Variants in ZNRF1 observed in about 807,000 individuals in gnomAD.
The protein encoded by ZNRF1 is zinc and ring finger 1.
ZNRF1 carries 3 observed loss-of-function variants against 18.4 expected under a neutral mutation model. That is an observed-to-expected ratio of 0.16 (90% CI 0.07 to 0.42). The LOEUF is 0.42. Ranked by LOEUF, ZNRF1 falls within the 10% of genes least tolerant of loss-of-function variation. The pLI is 0.99. For missense variants in ZNRF1, 310 were observed against 329.8 expected, an observed-to-expected ratio of 0.94 and a Z score of 0.47; for synonymous variants, 157 against 144.2, an observed-to-expected ratio of 1.09 and a Z score of -0.64.
chr16:75,019,920 T>C (rs910241194), intron 1 of ZNRF1, among the ~76,000 whole-genome samples: 8 of 152,126 alleles, frequency 5.3e-5, no homozygotes, highest in Non-Finnish European at 1.0e-4. Flanking sequence ...AGATGGGGGT[T>C]CGCCATGTTG....
intron 1 of ZNRF1, among the ~76,000 whole-genome samples, chr16:75,067,677 C>T (rs191142191): frequency 1.4e-4 from 21 of 152,156 alleles, no homozygotes; most frequent in Admixed American, 1.0e-3. Flanking sequence ...ATTTAATATA[C>T]GATAAAGGGG....
chr16:75,054,827 G>A (rs1183836703), intron 1 of ZNRF1, among the ~76,000 whole-genome samples: 1 of 152,162 alleles, frequency 6.6e-6, no homozygotes, highest in African/African-American at 2.4e-5. Context: ...TGGTGCTTTG[G>A]CCTTCACTGC....
At chr16:75,100,560 A>C (rs1444447810) in intron 2 of ZNRF1, among the ~76,000 whole-genome samples, 1 of 152,224 alleles carries the variant, frequency 6.6e-6, no homozygotes, top group African/African-American at 2.4e-5. Flanking sequence ...GCTGACACAG[A>C]TGGGGAGAGA....
Position 75,108,371 on chromosome 16 carries a change from G to C in ZNRF1, c.*671G>C, listed in dbSNP as rs1229045356. ...TTTCCCTTCTTTCCTCCTGGTTCCG[G>C]TCAGTTCAGAGGATTTAACAATCAC... On this transcript the variant is annotated 3_prime_UTR_variant, in exon 5 of 5. Transcript: ENST00000335325. 1.0e-5 allele frequency: 4 copies of C among 388,554 alleles called. No individual in the cohort carries two copies. Among genetic ancestry groups the C allele is most frequent in the African/African-American group, 2.1e-5 (1 of 48,240 alleles). The allele number at this position is 388,554 out of a possible 1,614,324, so 24.1% of individuals were successfully genotyped here. A position where few individuals can be genotyped will look rare whatever the true frequency, so the allele number is the denominator to read the frequency against.
intron 2 of ZNRF1, among the ~76,000 whole-genome samples, chr16:75,101,383 G>A (rs780984416): frequency 3.9e-5 from 6 of 152,244 alleles, no homozygotes; most frequent in South Asian, 2.1e-4. Flanking sequence ...ATGAGACCCC[G>A]TCTCTACTAA....
At position 75,002,159 on chromosome 16, in the gene ZNRF1, C is replaced by A. The variant is rs534906161; in HGVS notation, c.424+2064C>A. 4 of 152,212 alleles carry A rather than the reference C, an allele frequency of 2.6e-5. No homozygotes were observed. In the East Asian group the frequency reaches 5.8e-4, roughly 22 times the overall value. 9.4% of individuals were successfully genotyped at this position (152,212 alleles called of 1,614,324 possible). On this transcript the variant is annotated intron_variant, in intron 1 of 4. Transcript: ENST00000335325. ...ATGCCCTCTGGGGTGTGGGTGGTAT[C>A]ACTCTGGTTGAGAACCACTGCTTTA...
At chr16:75,069,770 C>G (rs965041702) in intron 1 of ZNRF1, among the ~76,000 whole-genome samples, 1 of 152,180 alleles carries the variant, frequency 6.6e-6, no homozygotes, top group Non-Finnish European at 1.5e-5. Context: ...CCAGATCTTC[C>G]CCCTGGGCCT....
intron 1 of ZNRF1, among the ~76,000 whole-genome samples, chr16:75,070,267 G>T (rs779006468): frequency 6.6e-6 from 1 of 152,078 alleles, no homozygotes; most frequent in Non-Finnish European, 1.5e-5. Context: ...AGCCCAGGCC[G>T]GCCTCTCCAT....
At chr16:75,089,081 C>CA (rs2036106649) in intron 1 of ZNRF1, among the ~76,000 whole-genome samples, 1 of 152,058 alleles carries the variant, frequency 6.6e-6, no homozygotes, top group Admixed American at 6.6e-5. Context: ...ATTTCCCACT[C>CA]GCATAATAGA....
intron 1 of ZNRF1, among the ~76,000 whole-genome samples, chr16:75,087,076 G>C (rs1329526745): frequency 6.6e-6 from 1 of 152,190 alleles, no homozygotes; most frequent in Non-Finnish European, 1.5e-5. Flanking sequence ...TTGGTCTCCA[G>C]AGCATAAAAA....
At chr16:75,012,812 G>C (rs2035015973) in intron 1 of ZNRF1, among the ~76,000 whole-genome samples, 1 of 152,204 alleles carries the variant, frequency 6.6e-6, no homozygotes, top group Admixed American at 6.5e-5. Context: ...AATGTGTTAA[G>C]ATTTGCTTTC....
intron 1 of ZNRF1, among the ~76,000 whole-genome samples, chr16:75,067,395 G>T (rs2035819521): frequency 6.6e-6 from 1 of 152,128 alleles, no homozygotes; most frequent in Non-Finnish European, 1.5e-5. Context: ...TTGTAAGAAG[G>T]TCATGTGGGA....
chr16:75,096,690 A>G (rs1207498595), intron 2 of ZNRF1, among the ~76,000 whole-genome samples: 1 of 152,226 alleles, frequency 6.6e-6, no homozygotes, highest in Non-Finnish European at 1.5e-5. Context: ...GGAAATTTTT[A>G]GAAAATTTAT....
chr16:75,100,439 G>A (rs752709211), intron 2 of ZNRF1, among the ~76,000 whole-genome samples: 9 of 152,034 alleles, frequency 5.9e-5, no homozygotes, highest in Non-Finnish European at 1.2e-4. Context: ...AGAGAGTCAA[G>A]TCCAGTCTTG....
chr16:75,082,913 A>G (rs2036031383), intron 1 of ZNRF1, among the ~76,000 whole-genome samples: 1 of 152,222 alleles, frequency 6.6e-6, no homozygotes, highest in Non-Finnish European at 1.5e-5. Flanking sequence ...TCAGATATTC[A>G]TATATGTATT....
chr16:75,048,980 T>C (rs2035553269), intron 1 of ZNRF1, among the ~76,000 whole-genome samples: 1 of 152,136 alleles, frequency 6.6e-6, no homozygotes, highest in Admixed American at 6.5e-5. Flanking sequence ...TCTTTATTAG[T>C]TTTTTATTTG....
intron 1 of ZNRF1, among the ~76,000 whole-genome samples, chr16:75,023,705 A>G (rs887427086): frequency 5.3e-5 from 8 of 150,678 alleles, no homozygotes; most frequent in African/African-American, 1.7e-4. Flanking sequence ...AACAAAAAAA[A>G]CAAAAAAAAA....
intron 1 of ZNRF1, among the ~76,000 whole-genome samples, chr16:75,077,208 T>A (rs1002607656): frequency 3.7e-4 from 57 of 152,086 alleles, no homozygotes; most frequent in African/African-American, 1.4e-3. Context: ...CTGGCCAACA[T>A]GGTGAAACCC....
chr16:75,043,790 CTTT>C (rs59324869), intron 1 of ZNRF1, among the ~76,000 whole-genome samples: 8 of 75,182 alleles, frequency 1.1e-4, no homozygotes, highest in Admixed American at 2.0e-4. Context: ...TTGCTTTGTA[CTTT>C]TTTTTTTTTT....
Sources: gnomAD v4.1 joint callset for allele counts (sites outside exome capture counted in the v4.1 genomes callset) on GRCh38, gnomAD v4.1.1 for gene constraint, MANE v1.5 for transcripts, NCBI Gene and HGNC (gene_info 2026-07-23, HGNC 2026-07-21) for gene names.